The following IRAK1BP1 variants were observed in gnomAD, a reference collection of about 807,000 sequenced individuals.
IRAK1BP1 encodes the protein interleukin 1 receptor associated kinase 1 binding protein 1.
IRAK1BP1 carries 24 observed loss-of-function variants against 28.0 expected under a neutral mutation model. The ratio of observed to expected loss-of-function variants is 0.86; its 90% CI spans 0.62 to 1.20. The LOEUF (loss-of-function observed/expected upper bound fraction) is 1.20, where lower values mean the gene tolerates loss of function less well. IRAK1BP1 is among the 50% of genes most tolerant of loss of function. The pLI, the probability that IRAK1BP1 is intolerant of heterozygous loss-of-function variation, is 0.00. For missense variants in IRAK1BP1, 336 were observed against 316.7 expected (o/e 1.06, Z -0.46); for synonymous variants, 131 against 116.3 (o/e 1.13, Z -0.81).
At chr6:78,945,354 A>C (rs1335614889) in intron 4 of IRAK1BP1, 2 of 1,613,842 alleles carry the variant, frequency 1.2e-6, no homozygotes, top group South Asian at 1.1e-5. Flanking sequence ...GGGAGTACAG[A>C]TGACTTCATT....
chr6:78,868,890 A>AGTTG (rs1770692167), intron 1 of IRAK1BP1, among the ~76,000 whole-genome samples: 1 of 152,220 alleles, frequency 6.6e-6, no homozygotes, highest in Non-Finnish European at 1.5e-5. Flanking sequence ...GATGACATTG[A>AGTTG]GTTGGTAAAA....
chr6:78,941,124 C>T (rs759804294), intron 4 of IRAK1BP1: 3 of 1,613,898 alleles, frequency 1.9e-6, no homozygotes, highest in Admixed American at 1.7e-5. Flanking sequence ...ATGGGATGCA[C>T]ATTATTTTGC....
At chr6:78,882,109 C>G (rs1771251048) in intron 1 of IRAK1BP1, among the ~76,000 whole-genome samples, 1 of 152,076 alleles carries the variant, frequency 6.6e-6, no homozygotes, top group African/African-American at 2.4e-5. Context: ...TCTCAGCATT[C>G]AGATCTTGGT....
the IRAK1BP1 span, among the ~76,000 whole-genome samples, chr6:78,952,428 GA>G: frequency 0.014 from 816 of 57,658 alleles, 3 homozygotes; most frequent in African/African-American, 0.043. Context: ...AAAAAAAAAA[GA>G]AAAAAAAAAA....
chr6:78,897,864 A>G lies in IRAK1BP1; in HGVS notation c.417A>G (p.Gln139=). The G allele has an allele frequency of 6.2e-7, 1 of 1,613,660 alleles. No individual in the cohort carries two copies. The highest frequency in any genetic ancestry group is 1.1e-5 in the South Asian group (1 of 91,030). The change falls in exon 3 of 4, where the codon CAA becomes CAG. Residue 139 remains glutamine (Q), a synonymous_variant. Transcript: ENST00000369940. The stretch of plus-strand genomic sequence containing the variant: ...CATTTACTGAATTTGGAAAAATGCA[A>G]AATATTTGTAACTTTCTTGTTGAAA... ...CITFTEFGKM[Q]NICNFLVEKL...
rs1771994216 is a variant in IRAK1BP1, at chr6:78,898,677, A to AAGCT, written c.*345_*348dup. ...CATTTCATAATTTTTAAAGATATTT[A>AAGCT]AGCTAAAATTTTCTCAGCCACATTT... On this transcript the variant is annotated 3_prime_UTR_variant, in exon 4 of 4. Transcript: ENST00000369940. 1 of 151,916 alleles carries AAGCT rather than the reference A, an allele frequency of 6.6e-6. No individual in the cohort carries two copies. The highest frequency in any genetic ancestry group is 2.4e-5 in the African/African-American group (1 of 41,492). 9.4% of individuals were successfully genotyped at this position (151,916 alleles called of 1,614,324 possible).
chr6:78,940,922 A>G lies in IRAK1BP1; in HGVS notation c.*68-4486A>G, dbSNP rs767587578. On this transcript the variant is annotated intron_variant and NMD_transcript_variant, in intron 4 of 4. Coordinates refer to the IRAK1BP1 transcript ENST00000606868. ...TTCTTCCTCATCTATAGGATCATCT[A>G]TCTTTTTTCGGTTACTTCTCCTTAA... The G allele has an allele frequency of 7.4e-6, 12 of 1,613,768 alleles. No individual in the cohort carries two copies. Among genetic ancestry groups the G allele is most frequent in the East Asian group, 4.5e-5 (2 of 44,880 alleles).
the IRAK1BP1 span, chr6:78,963,349 T>C: frequency 1.1e-6 from 1 of 907,620 alleles, no homozygotes; most frequent in Non-Finnish European, 1.6e-6. Flanking sequence ...AATTAAAGTA[T>C]ATTTTGTATA....
At chr6:78,932,821 T>G (rs1208629734) in intron 4 of IRAK1BP1, among the ~76,000 whole-genome samples, 1 of 152,206 alleles carries the variant, frequency 6.6e-6, no homozygotes, top group Admixed American at 6.5e-5. Flanking sequence ...AAAGCAACAC[T>G]AATCACCTTG....
At chr6:78,962,097 C>T in the IRAK1BP1 span, among the ~76,000 whole-genome samples, 1 of 152,062 alleles carries the variant, frequency 6.6e-6, no homozygotes, top group Non-Finnish European at 1.5e-5. Flanking sequence ...CATACATTGC[C>T]GTAATTGACA....
At chr6:78,915,067 A>T (rs1188357826) in intron 4 of IRAK1BP1, among the ~76,000 whole-genome samples, 1 of 151,844 alleles carries the variant, frequency 6.6e-6, no homozygotes, top group East Asian at 1.9e-4. Context: ...TGATCCACCC[A>T]CCTCAGCCTC....
At chr6:78,954,426 T>C in the IRAK1BP1 span, among the ~76,000 whole-genome samples, 35 of 152,176 alleles carry the variant, frequency 2.3e-4, no homozygotes, top group Middle Eastern at 0.01. Flanking sequence ...TTTTATATAT[T>C]CTCTTTACAT....
At chr6:78,904,148 C>T (rs370368484), downstream of IRAK1BP1, among the ~76,000 whole-genome samples, 47 of 152,348 alleles carry the variant, frequency 3.1e-4, no homozygotes, top group South Asian at 9.3e-3. Flanking sequence ...CATATTCAAA[C>T]TGTGTTTGCA....
At chr6:78,974,882 C>A in the IRAK1BP1 span, among the ~76,000 whole-genome samples, 1 of 151,510 alleles carries the variant, frequency 6.6e-6, no homozygotes, top group Non-Finnish European at 1.5e-5. Flanking sequence ...CAATAATCAA[C>A]AGCTTACCAA....
chr6:78,935,203 A>C (rs1171964676), intron 4 of IRAK1BP1, among the ~76,000 whole-genome samples: 1 of 152,156 alleles, frequency 6.6e-6, no homozygotes, highest in Non-Finnish European at 1.5e-5. Context: ...GGTTATCAGG[A>C]ATTTTTTTTA....
At chr6:78,962,588 T>A in the IRAK1BP1 span, among the ~76,000 whole-genome samples, 1 of 152,148 alleles carries the variant, frequency 6.6e-6, no homozygotes, top group African/African-American at 2.4e-5. Context: ...CACCACATAA[T>A]CTAGTTACTT....
chr6:78,903,744 T>C (rs567707016), downstream of IRAK1BP1, among the ~76,000 whole-genome samples: 1 of 152,152 alleles, frequency 6.6e-6, no homozygotes, highest in East Asian at 1.9e-4. Context: ...TGGGACTGTA[T>C]GTCCATTTTT....
intron 1 of IRAK1BP1, among the ~76,000 whole-genome samples, chr6:78,879,977 A>G (rs962314193): frequency 5.9e-5 from 9 of 152,262 alleles, no homozygotes; most frequent in African/African-American, 2.2e-4. Context: ...CAAGGAAACA[A>G]GCCCAGCACA....
rs1191248071 is a variant in IRAK1BP1, at chr6:78,899,096, G to C, written c.*762G>C. 2 of 152,152 alleles carry C rather than the reference G, an allele frequency of 1.3e-5. No individual in the cohort carries two copies. Among genetic ancestry groups the C allele is most frequent in the African/African-American group, 4.8e-5 (2 of 41,424 alleles). 9.4% of individuals were successfully genotyped at this position (152,152 alleles called of 1,614,324 possible). The stretch of plus-strand genomic sequence containing the variant: ...ATGCAATATGGCTACATATACAGCA[G>C]GCTTTTGTTGTAGGTAAAGAATACT... On this transcript the variant is annotated 3_prime_UTR_variant, in exon 4 of 4. Coordinates refer to ENST00000369940, the MANE Select transcript of IRAK1BP1 (RefSeq NM_001010844.4).
Sources: gnomAD v4.1 joint callset for allele counts (sites outside exome capture counted in the v4.1 genomes callset) on GRCh38, gnomAD v4.1.1 for gene constraint, MANE v1.5 for transcripts, NCBI Gene and HGNC (gene_info 2026-07-23, HGNC 2026-07-21) for gene names.